B4GALT4: variants seen among roughly 807,000 people sequenced by gnomAD.
B4GALT4 encodes the protein beta-1,4-galactosyltransferase 4.
A neutral mutation model predicts 37.3 loss-of-function variants in B4GALT4; 27 were observed. The ratio of observed to expected loss-of-function variants is 0.72; its 90% confidence interval spans 0.53 to 1.00. The LOEUF (loss-of-function observed/expected upper bound fraction) is 1.00. Ranked by LOEUF, B4GALT4 falls within the 50% of genes least tolerant of loss-of-function variation. B4GALT4 has a pLI of 0.00. For missense variants in B4GALT4, 372 were observed against 413.1 expected (o/e 0.90, Z 0.86); for synonymous variants, 148 against 154.1 (o/e 0.96, Z 0.29).
chr3:119,212,078 C>A lies in B4GALT4; in HGVS notation c.*471G>T. 1 of 694,934 alleles carries A rather than the reference C, an allele frequency of 1.4e-6. No individual in the cohort carries two copies. The highest frequency in any genetic ancestry group is 2.0e-5 in the Admixed American group (1 of 49,326). 43.0% of individuals were successfully genotyped at this position (694,934 alleles called of 1,614,324 possible). A position where few individuals can be genotyped will look rare whatever the true frequency, so the allele number is the denominator to read the frequency against. ...TTTGTGGACGCCTTCTCACCTGACA[C>A]CACCACTTCACAGATGATTGTACAG... On this transcript the variant is annotated 3_prime_UTR_variant, in exon 8 of 8. Transcript: ENST00000393765.
At chr3:119,222,890 C>T (rs868092191) in intron 5 of B4GALT4, among the ~76,000 whole-genome samples, 2 of 152,178 alleles carry the variant, frequency 1.3e-5, no homozygotes, top group Non-Finnish European at 2.9e-5. Flanking sequence ...AGCTTACACA[C>T]AGCCGGGGTT....
chr3:119,229,938 G>T lies in B4GALT4; in HGVS notation c.162C>A (p.Thr54=), dbSNP rs757589219. 1.2e-6 allele frequency: 2 copies of T among 1,613,960 alleles called. No individual in the cohort carries two copies. Among genetic ancestry groups the T allele is most frequent in the Admixed American group, 3.3e-5 (2 of 59,982 alleles). ...AKEFMANFHK[T]LILGKGKTLT... ...GAGTTTTTCCCTTCCCCAAAATGAG[G>T]GTCTTATGGAAATTAGCCATGAACT... The change falls in exon 3 of 8, where the codon ACC becomes ACA. Residue 54 remains threonine, a synonymous_variant. Transcript: ENST00000393765.
chr3:119,226,688 G>T (rs111847958), intron 4 of B4GALT4, 121 bp downstream of exon 4: 2 of 803,190 alleles, frequency 2.5e-6, no homozygotes. Flanking sequence ...TGAGGTAAGA[G>T]AACTCGTTTT....
intron 4 of B4GALT4, 113 bp from the exon 5 acceptor site, chr3:119,224,358 C>T: frequency 1.4e-6 from 1 of 716,232 alleles, no homozygotes; most frequent in East Asian, 3.1e-5. Flanking sequence ...ACGCACGAGA[C>T]TACACTTGTG....
intron 7 of B4GALT4, chr3:119,215,513 G>A (rs1045390599): frequency 6.6e-6 from 1 of 152,216 alleles, no homozygotes; most frequent in South Asian, 2.1e-4. Flanking sequence ...TTGGGATAGT[G>A]TGAGTCAATA....
At chr3:119,231,718 T>G (rs2078822757) in intron 2 of B4GALT4, among the ~76,000 whole-genome samples, 1 of 146,976 alleles carries the variant, frequency 6.8e-6, no homozygotes, top group Admixed American at 6.8e-5. Context: ...TATTTTATAT[T>G]TTTAATAATT....
rs72655928 is a variant in B4GALT4, at chr3:119,230,252, G to A, written c.-145-8C>T. 5.8e-5 allele frequency: 56 copies of A among 969,086 alleles called. No individual in the cohort carries two copies. The African/African-American group carries it at 6.1e-4, about 11-fold the overall frequency. 60.0% of individuals were successfully genotyped at this position (969,086 alleles called of 1,614,324 possible). A position where few individuals can be genotyped will look rare whatever the true frequency, so the allele number is the denominator to read the frequency against. On this transcript the variant is annotated splice_polypyrimidine_tract_variant and splice_region_variant and intron_variant, in intron 2 of 7. Transcript: ENST00000393765. Reference sequence around the variant, plus strand: ...TAGTTCTGCTCCAACAGTCTAAAACGCAATCACAAAAGACACGTTGTTTCA... The same window carrying A: ...TAGTTCTGCTCCAACAGTCTAAAACACAATCACAAAAGACACGTTGTTTCA...
intron 3 of B4GALT4, 123 bp downstream of exon 3, chr3:119,229,724 T>C (rs2078747788): frequency 2.8e-6 from 3 of 1,057,814 alleles, no homozygotes; most frequent in South Asian, 3.6e-5. Context: ...TGTATAGTTT[T>C]TGTGACACAG....
At chr3:119,229,484 G>T (rs889083649) in intron 3 of B4GALT4, among the ~76,000 whole-genome samples, 1 of 152,232 alleles carries the variant, frequency 6.6e-6, no homozygotes, top group South Asian at 2.1e-4. Context: ...CATAACGTAT[G>T]CTTCCGATTT....
At chr3:119,216,545 G>A (rs982517728) in intron 6 of B4GALT4, among the ~76,000 whole-genome samples, 1 of 151,918 alleles carries the variant, frequency 6.6e-6, no homozygotes, top group Admixed American at 6.6e-5. Context: ...TCTTATAATG[G>A]TGGAACTTCA....
chr3:119,224,560 A>G (rs2078545304), intron 4 of B4GALT4, among the ~76,000 whole-genome samples: 1 of 152,248 alleles, frequency 6.6e-6, no homozygotes, highest in African/African-American at 2.4e-5. Flanking sequence ...TACACTGCAT[A>G]TATTTATGCA....
chr3:119,216,661 A>C (rs2078302449), intron 6 of B4GALT4, among the ~76,000 whole-genome samples: 1 of 152,238 alleles, frequency 6.6e-6, no homozygotes, highest in Admixed American at 6.5e-5. Flanking sequence ...AAAATGATAA[A>C]GTACTTATTT....
chr3:119,231,263 G>A (rs189955117), intron 2 of B4GALT4, among the ~76,000 whole-genome samples: 31 of 152,218 alleles, frequency 2.0e-4, no homozygotes, highest in African/African-American at 5.5e-4. Flanking sequence ...ACCTAGCTGA[G>A]GGCCCACCCT....
chr3:119,236,188 C>A (rs62265182), intron 2 of B4GALT4: 2 of 152,070 alleles, frequency 1.3e-5, no homozygotes. Flanking sequence ...AACTGGTACT[C>A]TTCGAAGAAT....
intron 3 of B4GALT4, 63 bp from the exon 4 acceptor site, chr3:119,227,104 C>A (rs532480541): frequency 2.8e-6 from 4 of 1,427,798 alleles, no homozygotes; most frequent in African/African-American, 2.8e-5. Context: ...GAGGTTTACA[C>A]GAGCTAATAT....
At chr3:119,219,532 A>G (rs979765710) in intron 5 of B4GALT4, among the ~76,000 whole-genome samples, 4 of 152,288 alleles carry the variant, frequency 2.6e-5, no homozygotes, top group Admixed American at 2.6e-4. Context: ...CAAGAGAGGA[A>G]CGACTACAGA....
At chr3:119,222,517 C>T (rs536990969) in intron 5 of B4GALT4, among the ~76,000 whole-genome samples, 5 of 152,170 alleles carry the variant, frequency 3.3e-5, no homozygotes, top group Admixed American at 6.5e-5. Flanking sequence ...ATCAGCTGAA[C>T]CAAGCTTTCT....
At chr3:119,217,544 A>G (rs6776910) in intron 6 of B4GALT4, among the ~76,000 whole-genome samples, 11,722 of 152,284 alleles carry the variant, frequency 0.077, 673 homozygotes, top group Admixed American at 0.16. Context: ...GCCCCAGGTT[A>G]GAAATTTCCT....
intron 7 of B4GALT4, chr3:119,214,068 TAAA>T (rs57152914): frequency 0.085 from 12,824 of 150,418 alleles, 623 homozygotes; most frequent in South Asian, 0.13. Flanking sequence ...TTACAAAAAA[TAAA>T]AAAAAATTAG....
Sources: allele counts gnomAD v4.1 joint callset (sites outside exome capture counted in the v4.1 genomes callset), GRCh38; gene constraint gnomAD v4.1.1; transcripts MANE v1.5; gene names NCBI Gene and HGNC (gene_info 2026-07-23, HGNC 2026-07-21).